Variants in RGS7 observed in about 807,000 individuals in gnomAD.
RGS7 encodes regulator of G protein signaling 7, also known as regulator of G-protein signaling 7.
RGS7 carries 27 observed loss-of-function variants against 81.1 expected under a neutral mutation model. The ratio of observed to expected loss-of-function variants is 0.33; its 90% CI spans 0.25 to 0.46. The LOEUF (loss-of-function observed/expected upper bound fraction) is 0.46. Among genes scored for constraint, RGS7 ranks in the 20% least tolerant of loss-of-function variants. The pLI, the probability that RGS7 is intolerant of heterozygous loss-of-function variation, is 1.00. For missense variants in RGS7, 396 were observed against 607.4 expected, an observed-to-expected ratio of 0.65 and a Z score of 3.66; for synonymous variants, 208 against 207.7, an observed-to-expected ratio of 1.00 and a Z score of -0.01.
At chr1:241,166,304 C>G (rs991307081) in intron 2 of RGS7, among the ~76,000 whole-genome samples, 2 of 152,128 alleles carry the variant, frequency 1.3e-5, no homozygotes, top group Non-Finnish European at 2.9e-5. Context: ...AAGAAGTCAG[C>G]GTATGCAAAG....
intron 9 of RGS7, among the ~76,000 whole-genome samples, chr1:240,863,302 C>G (rs1034390175): frequency 6.6e-6 from 1 of 151,924 alleles, no homozygotes; most frequent in Admixed American, 6.6e-5. Context: ...GGTGAAACCC[C>G]GTCTCTACTA....
At chr1:241,288,789 G>A (rs2078949951) in intron 2 of RGS7, among the ~76,000 whole-genome samples, 3 of 152,178 alleles carry the variant, frequency 2.0e-5, no homozygotes, top group Admixed American at 2.0e-4. Context: ...TCAAGAAATT[G>A]AGGACTTGCA....
At chr1:241,291,982 T>C (rs2079117207) in intron 2 of RGS7, among the ~76,000 whole-genome samples, 1 of 152,176 alleles carries the variant, frequency 6.6e-6, no homozygotes, top group African/African-American at 2.4e-5. Context: ...CTATTCCTTC[T>C]ACAGAGACTA....
At chr1:240,959,798 C>T (rs940878048) in intron 4 of RGS7, among the ~76,000 whole-genome samples, 1 of 152,126 alleles carries the variant, frequency 6.6e-6, no homozygotes, top group South Asian at 2.1e-4. Context: ...AGAGCATAAA[C>T]ATTATTTCAA....
intron 2 of RGS7, among the ~76,000 whole-genome samples, chr1:241,106,783 C>CACACACACACACAA (rs1458660161): frequency 6.8e-6 from 1 of 147,722 alleles, no homozygotes; most frequent in African/African-American, 2.5e-5. Flanking sequence ...CACACACACA[C>CACACACACACACAA]GATAACATAA....
intron 2 of RGS7, among the ~76,000 whole-genome samples, chr1:241,150,837 C>T (rs1343343397): frequency 2.6e-5 from 4 of 151,824 alleles, no homozygotes; most frequent in South Asian, 4.2e-4. Context: ...AGTCCAAGTC[C>T]GAAGGCCTGA....
intron 2 of RGS7, among the ~76,000 whole-genome samples, chr1:241,282,555 T>G (rs1436419304): frequency 2.0e-5 from 3 of 152,214 alleles, no homozygotes; most frequent in African/African-American, 4.8e-5. Flanking sequence ...GAAATGTCCT[T>G]TCTTTTTCTT....
intron 18 of RGS7, among the ~76,000 whole-genome samples, chr1:240,780,217 C>T (rs1027373827): frequency 2.6e-5 from 4 of 151,964 alleles, no homozygotes; most frequent in Non-Finnish European, 5.9e-5. Flanking sequence ...GAGGCCGAGG[C>T]GGGTGGATCA....
chr1:240,973,910 G>A (rs1272801762), intron 4 of RGS7, among the ~76,000 whole-genome samples: 1 of 152,134 alleles, frequency 6.6e-6, no homozygotes, highest in East Asian at 1.9e-4. Context: ...CAGTTCTGAT[G>A]CACCCTCATG....
rs1182313517 is a variant in RGS7 at position 241,272,572 on chromosome 1, T to G, written c.78+83127A>C. ...CTGAAAAGAAGTTCCTAGCCCCATC[T>G]GTATCCAGGCTCCCTCTAGCTGTTT... On this transcript the variant is annotated intron_variant, in intron 2 of 18. Coordinates refer to ENST00000440928, the MANE Select transcript of RGS7 (RefSeq NM_001364886.1). Among the ~76,000 whole-genome samples, 6 of 152,240 alleles carry G rather than the reference T, an allele frequency of 3.9e-5. No homozygotes were observed. The East Asian group carries it at 1.2e-3, about 29-fold the overall frequency.
Position 241,086,387 on chromosome 1 carries a change from T to G in RGS7, c.175+12279A>C, listed in dbSNP as rs545591862. On this transcript the variant is annotated intron_variant, in intron 3 of 18. Transcript: ENST00000440928. ...ATCACTGTTGGTAGGGCCTTCTCCC[T>G]TAACTCACCTGCCCCCCTCACTTCC... is the stretch of plus-strand genomic sequence containing the variant. Among the ~76,000 whole-genome samples the G allele has an allele frequency of 5.9e-5, 9 of 152,226 alleles. No individual in the cohort carries two copies. The East Asian group carries it at 1.5e-3, about 26-fold the overall frequency.
intron 9 of RGS7, among the ~76,000 whole-genome samples, chr1:240,833,383 T>G (rs1424281675): frequency 6.6e-6 from 1 of 152,192 alleles, no homozygotes; most frequent in Non-Finnish European, 1.5e-5. Flanking sequence ...TTTAATATTT[T>G]TGGACTGCAG....
chr1:241,134,894 C>A (rs1298134344), intron 2 of RGS7, among the ~76,000 whole-genome samples: 1 of 152,150 alleles, frequency 6.6e-6, no homozygotes, highest in Non-Finnish European at 1.5e-5. Flanking sequence ...GTCAGCAAGA[C>A]AGCGGAAGCA....
In RGS7 at chr1:241,026,159, A is replaced by T. The variant is rs2059770707; in HGVS notation, c.176-43030T>A. Among the ~76,000 whole-genome samples the T allele has an allele frequency of 2.0e-5, 3 of 152,276 alleles. No homozygotes were observed. In the South Asian group the frequency reaches 6.2e-4, roughly 32 times the overall value. On this transcript the variant is annotated intron_variant, in intron 3 of 18. Transcript: ENST00000440928. ...AGCTCTGCATGGTCAGCAACTACAC[A>T]TTTTTCTTATTATATTTTGCCTTCC...
At chr1:240,888,937 T>C (rs915029703) in intron 6 of RGS7, among the ~76,000 whole-genome samples, 18 of 152,006 alleles carry the variant, frequency 1.2e-4, no homozygotes, top group Admixed American at 6.6e-5. Flanking sequence ...AAGGCCTCAA[T>C]GAAGAAAGAG....
Position 240,936,805 on chromosome 1 carries a change from G to A in RGS7, c.227-99C>T, listed in dbSNP as rs1168990005. 4.6e-6 allele frequency: 4 copies of A among 861,018 alleles called. No individual in the cohort carries two copies. In the East Asian group the frequency reaches 7.4e-5, roughly 16 times the overall value. The allele number at this position is 861,018 out of a possible 1,614,324, so 53.3% of individuals were successfully genotyped here. On this transcript the variant is annotated intron_variant, in intron 4 of 18. Transcript: ENST00000440928. ...TGTGTGGTTCCTTTTGTCAGATACA[G>A]TAAGTTCCTCTTGAAAGATTTAATT...
chr1:240,780,077 GTC>G (rs1253932510), intron 18 of RGS7, among the ~76,000 whole-genome samples: 3 of 152,176 alleles, frequency 2.0e-5, no homozygotes, highest in African/African-American at 7.2e-5. Flanking sequence ...TACTACTGTA[GTC>G]TCTGTGCTAT....
chr1:241,239,870 C>G (rs1441475134), intron 2 of RGS7, among the ~76,000 whole-genome samples: 1 of 152,146 alleles, frequency 6.6e-6, no homozygotes, highest in Non-Finnish European at 1.5e-5. Context: ...AGAGGGCCAT[C>G]GATGACTTCT....
intron 2 of RGS7, among the ~76,000 whole-genome samples, chr1:241,129,743 G>A (rs2066942886): frequency 6.6e-6 from 1 of 152,138 alleles, no homozygotes; most frequent in Non-Finnish European, 1.5e-5. Flanking sequence ...AGTAGGTATA[G>A]GGTGGGGCCC....
Sources: gnomAD v4.1 joint callset for allele counts (sites outside exome capture counted in the v4.1 genomes callset) on GRCh38, gnomAD v4.1.1 for gene constraint, MANE v1.5 for transcripts, NCBI Gene and HGNC (gene_info 2026-07-23, HGNC 2026-07-21) for gene names.